FAT3: variants seen among roughly 807,000 people sequenced by gnomAD.
FAT3 encodes the protein FAT atypical cadherin 3, also known as protocadherin Fat 3.
Under a neutral mutation model 310.2 loss-of-function variants are expected in FAT3, and 95 were observed. That is an observed-to-expected ratio of 0.31 (90% CI 0.26 to 0.36). The LOEUF is 0.36. FAT3 is among the 10% of genes least tolerant of loss of function. The pLI is 1.00. For synonymous variants in FAT3, 2,314 were observed against 2,192.9 expected (o/e 1.06, Z -1.54); for missense variants, 5,408 against 5,715.6 (o/e 0.95, Z 1.74).
intron 2 of FAT3, among the ~76,000 whole-genome samples, chr11:92,409,887 T>C (rs368423783): frequency 6.6e-6 from 1 of 152,102 alleles, no homozygotes; most frequent in South Asian, 2.1e-4. Context: ...AGAACTTTAA[T>C]TTTTCTGAAT....
At chr11:92,864,546 G>A (rs950865958) in intron 21 of FAT3, among the ~76,000 whole-genome samples, 4 of 152,142 alleles carry the variant, frequency 2.6e-5, no homozygotes, top group African/African-American at 9.7e-5. Flanking sequence ...GGCTGAGTGC[G>A]GTGGCCCACA....
At chr11:92,612,425 G>T (rs1940609316) in intron 3 of FAT3, among the ~76,000 whole-genome samples, 1 of 152,142 alleles carries the variant, frequency 6.6e-6, no homozygotes, top group Non-Finnish European at 1.5e-5. Context: ...TAGAATGCTG[G>T]TTCATTGGGG....
At chr11:92,725,718 A>C (rs976829974) in intron 4 of FAT3, among the ~76,000 whole-genome samples, 32 of 152,166 alleles carry the variant, frequency 2.1e-4, no homozygotes, top group Admixed American at 1.8e-3. Flanking sequence ...GCTTCTTAGA[A>C]GCATACTAAC....
chr11:92,846,566 AAAG>A (rs1375672433), intron 19 of FAT3, among the ~76,000 whole-genome samples: 1 of 152,178 alleles, frequency 6.6e-6, no homozygotes, highest in East Asian at 1.9e-4. Context: ...TAATTCTTTA[AAAG>A]AAGGATTTAG....
intron 3 of FAT3, among the ~76,000 whole-genome samples, chr11:92,623,698 C>T (rs969841580): frequency 6.6e-6 from 1 of 152,138 alleles, no homozygotes; most frequent in African/African-American, 2.4e-5. Context: ...AATCCCAGCA[C>T]TTTGGGAGGC....
chr11:92,424,083 T>C (rs972656845), intron 2 of FAT3, among the ~76,000 whole-genome samples: 3 of 152,106 alleles, frequency 2.0e-5, no homozygotes, highest in African/African-American at 7.2e-5. Flanking sequence ...TGTTTTGTTT[T>C]TTGCTTTGTT....
At chr11:92,463,008 A>C (rs1485279804) in intron 2 of FAT3, among the ~76,000 whole-genome samples, 1 of 152,220 alleles carries the variant, frequency 6.6e-6, no homozygotes, top group Non-Finnish European at 1.5e-5. Flanking sequence ...AATTGTGCAA[A>C]GAAACAAGAT....
chr11:92,691,901 G>T (rs1432640155), intron 3 of FAT3, among the ~76,000 whole-genome samples: 1 of 152,090 alleles, frequency 6.6e-6, no homozygotes, highest in Non-Finnish European at 1.5e-5. Context: ...TATGATATCT[G>T]AACTATTGTG....
chr11:92,788,361 G>T (rs975421392), intron 7 of FAT3, among the ~76,000 whole-genome samples: 2 of 152,002 alleles, frequency 1.3e-5, no homozygotes, highest in Non-Finnish European at 2.9e-5. Context: ...GTACCTCATT[G>T]GTCACTTTGG....
intron 3 of FAT3, among the ~76,000 whole-genome samples, chr11:92,650,084 A>T (rs982110468): frequency 1.3e-5 from 2 of 149,318 alleles, no homozygotes; most frequent in Non-Finnish European, 3.0e-5. Context: ...GAACTGATGA[A>T]TAGGTCTATA....
At chr11:92,555,801 A>G (rs777072919) in intron 3 of FAT3, among the ~76,000 whole-genome samples, 3 of 152,182 alleles carry the variant, frequency 2.0e-5, no homozygotes, top group Non-Finnish European at 2.9e-5. Context: ...TTAATGAAAA[A>G]CACACAAACA....
intron 3 of FAT3, among the ~76,000 whole-genome samples, chr11:92,531,612 G>C (rs1298873519): frequency 6.6e-6 from 1 of 152,098 alleles, no homozygotes; most frequent in Admixed American, 6.6e-5. Context: ...GTTCCATGCT[G>C]CTTCATGTCT....
In FAT3 at chr11:92,801,362, A is replaced by G; in HGVS notation, c.8349A>G (p.Val2783=). 6.2e-7 allele frequency: 1 copy of G among 1,613,970 alleles called. No homozygotes were observed. Among genetic ancestry groups the G allele is most frequent in the African/African-American group, 1.3e-5 (1 of 75,058 alleles). The part of the protein sequence containing the change: ...RETSPAFHFK[V]AATIPLDKVD... ...CCAGCCCAGCTTTCCACTTTAAAGT[A>G]GCAGCCACTATACCCCTGGACAAAG... Residue 2783 remains valine, a synonymous_variant, in exon 10 of 28, where the codon GTA becomes GTG. Transcript: ENST00000525166.
At position 92,844,076 on chromosome 11, in the gene FAT3, T is replaced by C; in HGVS notation, c.10709T>C (p.Ile3570Thr). ...GAGGATGACTTTCCTGGTGGGGTCA[T>C]TGGGAAGATTCATGCCACAGATCAA... ...TMEDDFPGGV[I>T]GKIHATDQDM... Residue 3570 changes from isoleucine (I) to threonine (T), a missense_variant, in exon 19 of 28, where the codon ATT becomes ACT. Physicochemically the swap from Ile to Thr is moderately conservative, Grantham distance 89 (BLOSUM62 -1). Coordinates refer to ENST00000525166, the MANE Select transcript of FAT3 (RefSeq NM_001367949.2). 6.2e-7 allele frequency: 1 copy of C among 1,613,952 alleles called. No individual in the cohort carries two copies. Among genetic ancestry groups the C allele is most frequent in the Non-Finnish European group, 8.5e-7 (1 of 1,179,886 alleles).
chr11:92,628,318 G>C (rs2135692987), intron 3 of FAT3, among the ~76,000 whole-genome samples: 1 of 152,266 alleles, frequency 6.6e-6, no homozygotes, highest in African/African-American at 2.4e-5. Context: ...TTTTTATAAT[G>C]TTAATTACCT....
intron 23 of FAT3, among the ~76,000 whole-genome samples, chr11:92,881,458 T>A (rs1949668401): frequency 6.6e-6 from 1 of 152,206 alleles, no homozygotes. Flanking sequence ...TAATTACAGA[T>A]CAGTCTTACT....
At chr11:92,594,531 G>A (rs1239590044) in intron 3 of FAT3, among the ~76,000 whole-genome samples, 1 of 152,130 alleles carries the variant, frequency 6.6e-6, no homozygotes, top group Non-Finnish European at 1.5e-5. Flanking sequence ...TCATTCCAGT[G>A]TATGACCTTA....
chr11:92,705,077 G>A (rs1944229024), intron 4 of FAT3, among the ~76,000 whole-genome samples: 1 of 152,180 alleles, frequency 6.6e-6, no homozygotes, highest in African/African-American at 2.4e-5. Context: ...CTTCCTGAGT[G>A]CCTCCTTCCT....
chr11:92,502,618 A>G (rs1952974640), intron 2 of FAT3, among the ~76,000 whole-genome samples: 1 of 152,064 alleles, frequency 6.6e-6, no homozygotes, highest in Admixed American at 6.6e-5. Flanking sequence ...GCGCTGTTTC[A>G]ATGGGTGGAA....
Sources: allele counts gnomAD v4.1 joint callset (sites outside exome capture counted in the v4.1 genomes callset), GRCh38; gene constraint gnomAD v4.1.1; transcripts MANE v1.5; gene names NCBI Gene and HGNC (gene_info 2026-07-23, HGNC 2026-07-21).